Variants in PAQR8 observed in about 807,000 individuals in gnomAD.
PAQR8 encodes progestin and adipoQ receptor family member 8, also known as membrane progestin receptor beta.
In PAQR8, 17 loss-of-function variants were observed where a neutral mutation model predicts 25.2. The ratio of observed to expected loss-of-function variants is 0.67; its 90% CI spans 0.46 to 1.01. PAQR8 has a LOEUF of 1.01. Among genes scored for constraint, PAQR8 ranks in the 50% least tolerant of loss-of-function variants. PAQR8 has a pLI of 0.00. For synonymous variants in PAQR8, 204 were observed against 190.6 expected (o/e 1.07, Z -0.58); for missense variants, 392 against 448.4 (o/e 0.87, Z 1.14).
chr6:52,369,683 G>A (rs960454726), intron 1 of PAQR8, among the ~76,000 whole-genome samples: 1 of 152,156 alleles, frequency 6.6e-6, no homozygotes, highest in African/African-American at 2.4e-5. Context: ...AAGAGAATTT[G>A]GTAAATCTGT....
chr6:52,403,219 G>A lies in PAQR8; in HGVS notation c.6G>A (p.Thr2=), dbSNP rs1336841992. 5 of 1,591,670 alleles carry A rather than the reference G, an allele frequency of 3.1e-6. No individual in the cohort carries two copies. The highest frequency in any genetic ancestry group is 2.2e-5 in the South Asian group (2 of 90,484). The change falls in exon 2 of 2, where the codon ACG becomes ACA. Residue 2 remains threonine, a synonymous_variant. Coordinates refer to ENST00000442253, the MANE Select transcript of PAQR8 (RefSeq NM_133367.5). ...AGTGCATGCGGGCCGCTGCCATGACGACCGCCATCTTGGAGCGCCTGAGCA... is the reference window on the plus strand; with the variant it reads ...AGTGCATGCGGGCCGCTGCCATGACAACCGCCATCTTGGAGCGCCTGAGCA... M[T]TAILERLSTL... is the part of the protein sequence containing the mutation.
At position 52,403,239 on chromosome 6, in the gene PAQR8, T is replaced by C; in HGVS notation, c.26T>C (p.Leu9Pro). Residue 9 changes from leucine to proline, a missense_variant, in exon 2 of 2, where the codon CTG (leucine) becomes CCG (proline). Leu to Pro is a moderately conservative substitution (Grantham distance 98). Transcript: ENST00000442253. ...ATGACGACCGCCATCTTGGAGCGCC[T>C]GAGCACCCTGTCGGTCAGCGGGCAG... Reference protein sequence around the residue: MTTAILERLSTLSVSGQQL... With the variant: MTTAILERPSTLSVSGQQL... 6.2e-7 allele frequency: 1 copy of C among 1,605,482 alleles called. No homozygotes were observed. Among genetic ancestry groups the C allele is most frequent in the Non-Finnish European group, 8.5e-7 (1 of 1,173,696 alleles).
chr6:52,381,824 G>C (rs949308402), intron 1 of PAQR8, among the ~76,000 whole-genome samples: 1 of 152,200 alleles, frequency 6.6e-6, no homozygotes, highest in East Asian at 1.9e-4. Flanking sequence ...TTTAGCCTCA[G>C]CTGGTTGTTG....
Position 52,405,239 on chromosome 6 carries a change from AGGATC to A in PAQR8, c.*962_*966del, listed in dbSNP as rs1196882908. ...CTCTTGGTAGGATTAGTTGGTTCTA[AGGATC>A]CCTCTAGGGACCTCATTATTTCAAG... On this transcript the variant is annotated 3_prime_UTR_variant, in exon 2 of 2. Transcript: ENST00000442253. 1.2e-5 allele frequency: 2 copies of A among 166,942 alleles called. No individual in the cohort carries two copies. Among genetic ancestry groups the A allele is most frequent in the Admixed American group, 6.5e-5 (1 of 15,294 alleles). 10.3% of individuals were successfully genotyped at this position (166,942 alleles called of 1,614,324 possible).
At chr6:52,391,878 T>C (rs1480974099) in intron 1 of PAQR8, among the ~76,000 whole-genome samples, 1 of 152,208 alleles carries the variant, frequency 6.6e-6, no homozygotes, top group Non-Finnish European at 1.5e-5. Context: ...CTACCATCTG[T>C]GTGAGTCCCA....
intron 1 of PAQR8, among the ~76,000 whole-genome samples, chr6:52,400,421 G>A (rs536020137): frequency 1.8e-4 from 28 of 152,290 alleles, no homozygotes; most frequent in African/African-American, 6.5e-4. Flanking sequence ...GCCCTGTAAG[G>A]CAGCTTCTCT....
At position 52,389,385 on chromosome 6, in the gene PAQR8, A is replaced by G. The variant is rs182383284; in HGVS notation, c.-52-13777A>G. On this transcript the variant is annotated intron_variant, in intron 1 of 1. Transcript: ENST00000442253. ...GATAGAAATAAAGCATAGGTAAGCCAGTGTTCCTGTCTCCAGAGGCTTGCA... is the reference window on the plus strand; with the variant it reads ...GATAGAAATAAAGCATAGGTAAGCCGGTGTTCCTGTCTCCAGAGGCTTGCA... Among the ~76,000 whole-genome samples the G allele has an allele frequency of 3.0e-3, 460 of 152,346 alleles. 4 individuals carry two copies. The highest frequency in any genetic ancestry group is 0.011 in the African/African-American group (443 of 41,578).
chr6:52,369,980 T>G (rs1328286352), intron 1 of PAQR8, among the ~76,000 whole-genome samples: 1 of 152,180 alleles, frequency 6.6e-6, no homozygotes, highest in Non-Finnish European at 1.5e-5. Context: ...AGGTGGCATT[T>G]CAAGAAAGTA....
chr6:52,390,190 A>G (rs1417996386), intron 1 of PAQR8, among the ~76,000 whole-genome samples: 2 of 152,218 alleles, frequency 1.3e-5, no homozygotes, highest in East Asian at 1.9e-4. Flanking sequence ...CACAGATACT[A>G]TTTATTCCAT....
At position 52,404,158 on chromosome 6, in the gene PAQR8, T is replaced by C. The variant is rs1293060225; in HGVS notation, c.945T>C (p.His315=). ...QGRQEIFLQR[H]GPLSVHMACL... is the part of the protein sequence containing the mutation. ...GGCAGGAGATCTTCCTGCAGCGCCATGGACCCCTATCTGTCCACATGGCCT... is the reference window on the plus strand; with the variant it reads ...GGCAGGAGATCTTCCTGCAGCGCCACGGACCCCTATCTGTCCACATGGCCT... The change falls in exon 2 of 2, where the codon CAT becomes CAC. Residue 315 remains histidine (H), a synonymous_variant. Coordinates refer to ENST00000442253, the MANE Select transcript of PAQR8 (RefSeq NM_133367.5). 3.7e-6 allele frequency: 6 copies of C among 1,614,188 alleles called. No individual in the cohort carries two copies. The highest frequency in any genetic ancestry group is 5.1e-6 in the Non-Finnish European group (6 of 1,180,022).
intron 1 of PAQR8, among the ~76,000 whole-genome samples, chr6:52,397,479 T>A (rs770910671): frequency 1.3e-5 from 2 of 152,212 alleles, no homozygotes; most frequent in Admixed American, 6.5e-5. Flanking sequence ...TAGTTTACAC[T>A]TGTTTATGTG....
At chr6:52,380,071 T>A (rs773599946) in intron 1 of PAQR8, among the ~76,000 whole-genome samples, 27 of 152,184 alleles carry the variant, frequency 1.8e-4, no homozygotes, top group Non-Finnish European at 3.7e-4. Context: ...TGGATTTTTT[T>A]AAAGTGTGAG....
At chr6:52,393,956 A>G (rs1763739200) in intron 1 of PAQR8, among the ~76,000 whole-genome samples, 1 of 152,206 alleles carries the variant, frequency 6.6e-6, no homozygotes, top group African/African-American at 2.4e-5. Context: ...CATGCATAGA[A>G]GCACAAAGTC....
intron 1 of PAQR8, among the ~76,000 whole-genome samples, chr6:52,387,538 G>T (rs1763647065): frequency 6.6e-6 from 1 of 152,200 alleles, no homozygotes; most frequent in African/African-American, 2.4e-5. Context: ...GCAACCCAAT[G>T]AATTTCACAA....
intron 1 of PAQR8, among the ~76,000 whole-genome samples, chr6:52,402,080 A>G (rs887000683): frequency 1.3e-5 from 2 of 152,194 alleles, no homozygotes; most frequent in Non-Finnish European, 2.9e-5. Context: ...ATATTGGGAC[A>G]GGCCAGGCAT....
At position 52,403,378 on chromosome 6, in the gene PAQR8, C is replaced by G; in HGVS notation, c.165C>G (p.Tyr55Ter). The G allele has an allele frequency of 6.2e-7, 1 of 1,613,464 alleles. No homozygotes were observed. Among genetic ancestry groups the G allele is most frequent in the Non-Finnish European group, 8.5e-7 (1 of 1,179,952 alleles). ...GGGAGCCTTACATCCGCACCGGCTA[C>G]CGCCCCACGGGGCACGAGTGGCGCT... ...LFREPYIRTG[Y>*]RPTGHEWRYY... is the part of the protein sequence containing the mutation. The change falls in exon 2 of 2, where the codon TAC (tyrosine) becomes TAG (stop). Residue 55 changes from tyrosine (Y) to a stop codon, truncating the protein, a stop_gained. Coordinates refer to ENST00000442253, the MANE Select transcript of PAQR8 (RefSeq NM_133367.5). LOFTEE classifies it high-confidence loss of function.
chr6:52,383,194 G>A (rs1168063475), intron 1 of PAQR8, among the ~76,000 whole-genome samples: 6 of 152,184 alleles, frequency 3.9e-5, no homozygotes, highest in African/African-American at 1.2e-4. Flanking sequence ...TAGACATCAC[G>A]TTAACGTGAT....
chr6:52,406,448 A>C lies in PAQR8; in HGVS notation c.*2170A>C, dbSNP rs887150900. On this transcript the variant is annotated 3_prime_UTR_variant, in exon 2 of 2. Transcript: ENST00000442253. ...TCAGATGGGTGCACAGACCAGTGCC[A>C]ATCTGAACATTGTTAATGGCCTGTG... is the stretch of plus-strand genomic sequence containing the variant. 1 of 413,496 alleles carries C rather than the reference A, an allele frequency of 2.4e-6. No homozygotes were observed. The highest frequency in any genetic ancestry group is 2.1e-5 in the African/African-American group (1 of 48,758). The allele number at this position is 413,496 out of a possible 1,614,324, so 25.6% of individuals were successfully genotyped here.
chr6:52,387,887 A>G (rs965790248), intron 1 of PAQR8, among the ~76,000 whole-genome samples: 7 of 152,332 alleles, frequency 4.6e-5, no homozygotes, highest in East Asian at 3.9e-4. Flanking sequence ...AGGCGTGCCA[A>G]TCCTATTGTG....
Sources: gnomAD v4.1 joint callset for allele counts (sites outside exome capture counted in the v4.1 genomes callset) on GRCh38, gnomAD v4.1.1 for gene constraint, MANE v1.5 for transcripts, NCBI Gene and HGNC (gene_info 2026-07-23, HGNC 2026-07-21) for gene names.